The following MEGF10 variants were observed in gnomAD, a reference collection of about 807,000 sequenced individuals.
The protein encoded by MEGF10 is multiple epidermal growth factor-like domains protein 10.
MEGF10 carries 86 observed loss-of-function variants against 147.5 expected under a neutral mutation model. The ratio of observed to expected loss-of-function variants is 0.58; its 90% confidence interval spans 0.49 to 0.70. The LOEUF (loss-of-function observed/expected upper bound fraction) is 0.70, where lower values mean the gene tolerates loss of function less well. MEGF10 is among the 30% of genes least tolerant of loss of function. The probability of loss-of-function intolerance (pLI) is 0.00; values close to 1 mark genes in which losing one functional copy is unlikely to be tolerated. For missense variants in MEGF10, 1,329 were observed against 1,487.3 expected, an observed-to-expected ratio of 0.89 and a Z score of 1.75; for synonymous variants, 478 against 525.5, an observed-to-expected ratio of 0.91 and a Z score of 1.24.
In MEGF10 at chr5:127,457,344, T is replaced by C. The variant is rs781350539; in HGVS notation, c.*26T>C. 8 of 1,602,840 alleles carry C rather than the reference T, an allele frequency of 5.0e-6. No homozygotes were observed. Among genetic ancestry groups the C allele is most frequent in the East Asian group, 2.2e-5 (1 of 44,810 alleles). On this transcript the variant is annotated 3_prime_UTR_variant, in exon 25 of 25. Transcript: ENST00000503335. ...CACCAAAGGACCGCTTGGTAGCCAC[T>C]GGAACCCTTTCCAGAACTGCTGTTT...
At chr5:127,272,535 C>T in the MEGF10 span, among the ~76,000 whole-genome samples, 4 of 152,246 alleles carry the variant, frequency 2.6e-5, no homozygotes, top group Middle Eastern at 3.4e-3. Context: ...GCCATTTTCA[C>T]GATATTGATT....
At chr5:127,455,026 C>T (rs1766305856) in intron 23 of MEGF10, among the ~76,000 whole-genome samples, 1 of 152,178 alleles carries the variant, frequency 6.6e-6, no homozygotes, top group Non-Finnish European at 1.5e-5. Flanking sequence ...CCTCCCAGCA[C>T]AAATGCCTTC....
chr5:127,265,680 G>A, the MEGF10 span, among the ~76,000 whole-genome samples: 1 of 152,148 alleles, frequency 6.6e-6, no homozygotes, highest in Non-Finnish European at 1.5e-5. Context: ...GTGGTGATGA[G>A]CATTTTTTCA....
chr5:127,391,396 T>A (rs1357756180), intron 5 of MEGF10, among the ~76,000 whole-genome samples: 2 of 151,992 alleles, frequency 1.3e-5, no homozygotes, highest in South Asian at 4.2e-4. Context: ...GGCAACATGA[T>A]GAAACCTCAT....
rs534586205 is a variant in MEGF10 at position 127,399,166 on chromosome 5, T to C, written c.780+370T>C. On this transcript the variant is annotated intron_variant, in intron 7 of 24. Coordinates refer to ENST00000503335, the MANE Select transcript of MEGF10 (RefSeq NM_001256545.2). ...TTCATAATTTTGTTCCATGAGTTGC[T>C]GTTGTTCTTTGGGAACATTATTCTT... Among the ~76,000 whole-genome samples the C allele has an allele frequency of 2.0e-5, 3 of 152,342 alleles. No individual in the cohort carries two copies. The East Asian group carries it at 5.8e-4, about 29-fold the overall frequency.
At chr5:127,448,172 A>G (rs959526827) in intron 21 of MEGF10, among the ~76,000 whole-genome samples, 1 of 152,210 alleles carries the variant, frequency 6.6e-6, no homozygotes, top group African/African-American at 2.4e-5. Flanking sequence ...AGTAATAGGC[A>G]CTGATTTGGG....
chr5:127,235,044 C>T, the MEGF10 span, among the ~76,000 whole-genome samples: 2 of 152,084 alleles, frequency 1.3e-5, no homozygotes, highest in African/African-American at 4.8e-5. Context: ...TAGGGTTTTA[C>T]CATGTTGGCC....
At chr5:127,375,598 A>G (rs577666369) in intron 5 of MEGF10, among the ~76,000 whole-genome samples, 71 of 152,324 alleles carry the variant, frequency 4.7e-4, no homozygotes, top group Non-Finnish European at 6.8e-4. Flanking sequence ...AGTGAATGAC[A>G]TTAATCTATT....
chr5:127,302,061 A>T (rs1323550589), intron 1 of MEGF10, among the ~76,000 whole-genome samples: 2 of 152,248 alleles, frequency 1.3e-5, no homozygotes, highest in Non-Finnish European at 2.9e-5. Flanking sequence ...TATCTTAACT[A>T]TAGAATTAGG....
intron 9 of MEGF10, among the ~76,000 whole-genome samples, chr5:127,413,491 A>G (rs527776667): frequency 3.3e-5 from 5 of 152,348 alleles, no homozygotes; most frequent in African/African-American, 1.2e-4. Context: ...TGTTTCAGCC[A>G]ATATTATATA....
intron 1 of MEGF10, among the ~76,000 whole-genome samples, chr5:127,329,544 T>G (rs1008045828): frequency 3.9e-5 from 6 of 152,186 alleles, no homozygotes; most frequent in African/African-American, 7.2e-5. Flanking sequence ...GTTTATTTGT[T>G]TATTTTAAGA....
intron 24 of MEGF10, among the ~76,000 whole-genome samples, chr5:127,456,677 C>A (rs1289220824): frequency 6.6e-6 from 1 of 152,152 alleles, no homozygotes; most frequent in Non-Finnish European, 1.5e-5. Context: ...TAAACTGTCC[C>A]ACAAACCTGC....
At chr5:127,263,027 G>A in the MEGF10 span, among the ~76,000 whole-genome samples, 1 of 152,122 alleles carries the variant, frequency 6.6e-6, no homozygotes, top group African/African-American at 2.4e-5. Context: ...CAACAAAAAA[G>A]TCCTACTTCT....
At chr5:127,372,654 G>A (rs1762887358) in intron 5 of MEGF10, among the ~76,000 whole-genome samples, 1 of 152,154 alleles carries the variant, frequency 6.6e-6, no homozygotes, top group Non-Finnish European at 1.5e-5. Context: ...AACTGGCCAG[G>A]TATCCTGTAG....
At chr5:127,254,684 G>A in the MEGF10 span, among the ~76,000 whole-genome samples, 1 of 151,496 alleles carries the variant, frequency 6.6e-6, no homozygotes, top group South Asian at 2.1e-4. Flanking sequence ...GGTGGTGCAT[G>A]CCTGTAATCC....
rs76633571 is a variant in MEGF10, at chr5:127,453,081, G to A, written c.2981-1485G>A. On this transcript the variant is annotated intron_variant, in intron 22 of 24. Coordinates refer to ENST00000503335, the MANE Select transcript of MEGF10 (RefSeq NM_001256545.2). Reference sequence around the variant, plus strand: ...ATGGGACACCAACATCAGAACTTGAGCTTAACATCTCTCTAAGAGATGCAT... The same window carrying A: ...ATGGGACACCAACATCAGAACTTGAACTTAACATCTCTCTAAGAGATGCAT... Among the ~76,000 whole-genome samples, 1,579 of 152,274 alleles carry A rather than the reference G, an allele frequency of 0.01. 58 individuals carry two copies. The East Asian group carries it at 0.15, about 14-fold the overall frequency.
chr5:127,342,616 C>T (rs1481148099), intron 4 of MEGF10, among the ~76,000 whole-genome samples: 2 of 152,032 alleles, frequency 1.3e-5, no homozygotes, highest in Non-Finnish European at 2.9e-5. Context: ...AATTCAACAC[C>T]TCCGTTTTTT....
chr5:127,272,167 G>A, the MEGF10 span, among the ~76,000 whole-genome samples: 1 of 152,048 alleles, frequency 6.6e-6, no homozygotes, highest in Non-Finnish European at 1.5e-5. Context: ...AGTTCTTATG[G>A]CACCATTTAT....
At chr5:127,438,402 A>G in intron 16 of MEGF10, 37 bp from the exon 17 acceptor site, 1 of 1,608,856 alleles carries the variant, frequency 6.2e-7, no homozygotes, top group Non-Finnish European at 8.5e-7. Flanking sequence ...TATTGGCCTC[A>G]GAACTCTGAT....
Sources: allele counts gnomAD v4.1 joint callset (sites outside exome capture counted in the v4.1 genomes callset), GRCh38; gene constraint gnomAD v4.1.1; transcripts MANE v1.5; gene names NCBI Gene and HGNC (gene_info 2026-07-23, HGNC 2026-07-21).